Variants in UBE2K observed in about 807,000 individuals in gnomAD.
UBE2K encodes ubiquitin-conjugating enzyme E2 K.
A neutral mutation model predicts 30.0 loss-of-function variants in UBE2K; 6 were observed. The ratio of observed to expected loss-of-function variants is 0.20; its 90% confidence interval spans 0.11 to 0.39. The LOEUF is 0.39. Among genes scored for constraint, UBE2K ranks in the 10% least tolerant of loss-of-function variants. The pLI, the probability that UBE2K is intolerant of heterozygous loss-of-function variation, is 1.00. For synonymous variants in UBE2K, 86 were observed against 83.7 expected (o/e 1.03, Z -0.15); for missense variants, 61 against 241.6 (o/e 0.25, Z 4.96).
intron 6 of UBE2K, among the ~76,000 whole-genome samples, 189 bp from the exon 7 acceptor site, chr4:39,778,171 A>G (rs1401970250): frequency 6.6e-6 from 1 of 151,538 alleles, no homozygotes; most frequent in Non-Finnish European, 1.5e-5. Context: ...TTCTGTTTTC[A>G]AAGTCAGTGA....
At position 39,755,549 on chromosome 4, in the gene UBE2K, G is replaced by C. The variant is rs150242806; in HGVS notation, c.217-108G>C. The C allele has an allele frequency of 1.0e-5, 8 of 792,320 alleles. No individual in the cohort carries two copies. In the East Asian group the frequency reaches 2.1e-4, roughly 21 times the overall value. 49.1% of individuals were successfully genotyped at this position (792,320 alleles called of 1,614,324 possible). On this transcript the variant is annotated intron_variant, in intron 3 of 6. Transcript: ENST00000261427. ...TTCACCTAGGCAAAATGATGTAATA[G>C]ATATAGGGACCTTTCTTTTTTTAGT... is the stretch of plus-strand genomic sequence containing the variant.
chr4:39,748,124 A>G, intron 3 of UBE2K, among the ~76,000 whole-genome samples: 1 of 152,232 alleles, frequency 6.6e-6, no homozygotes, highest in East Asian at 1.9e-4. Context: ...AGTGTATAAT[A>G]GCTTCAAAGT....
chr4:39,761,376 A>T (rs1711934241), intron 4 of UBE2K: 1 of 152,230 alleles, frequency 6.6e-6, no homozygotes, highest in African/African-American at 2.4e-5. Flanking sequence ...ACGTGGTTTA[A>T]TTATTGATGA....
At chr4:39,750,563 A>AT (rs1721204778) in intron 3 of UBE2K, among the ~76,000 whole-genome samples, 1 of 152,138 alleles carries the variant, frequency 6.6e-6, no homozygotes, top group Non-Finnish European at 1.5e-5. Context: ...AGACATTATT[A>AT]TTATATTCTT....
At chr4:39,750,827 C>G (rs1721217398) in intron 3 of UBE2K, among the ~76,000 whole-genome samples, 1 of 151,366 alleles carries the variant, frequency 6.6e-6, no homozygotes, top group South Asian at 2.1e-4. Context: ...CTCACTGCAA[C>G]CTCTGCCTCC....
chr4:39,702,071 G>A (rs960904147), intron 1 of UBE2K, among the ~76,000 whole-genome samples: 10 of 151,764 alleles, frequency 6.6e-5, no homozygotes, highest in Admixed American at 6.6e-4. Flanking sequence ...AGATTTACTT[G>A]AATTTCAATA....
At chr4:39,724,225 A>C (rs1719601526) in intron 1 of UBE2K, among the ~76,000 whole-genome samples, 1 of 151,472 alleles carries the variant, frequency 6.6e-6, no homozygotes, top group South Asian at 2.1e-4. Context: ...CTCCAACCTC[A>C]GCCTCCCAAG....
chr4:39,737,109 T>A (rs1408468955), intron 1 of UBE2K, among the ~76,000 whole-genome samples: 2 of 152,236 alleles, frequency 1.3e-5, no homozygotes, highest in African/African-American at 4.8e-5. Context: ...GGGCCTGATA[T>A]ACATGGAATT....
intron 3 of UBE2K, among the ~76,000 whole-genome samples, chr4:39,755,095 T>C (rs959219908): frequency 3.3e-5 from 5 of 152,214 alleles, no homozygotes; most frequent in Non-Finnish European, 5.9e-5. Flanking sequence ...AGCTATTTAA[T>C]TAGATTTCTT....
intron 1 of UBE2K, among the ~76,000 whole-genome samples, chr4:39,730,636 T>C (rs1720017663): frequency 2.0e-5 from 3 of 151,792 alleles, no homozygotes; most frequent in Admixed American, 2.0e-4. Flanking sequence ...GGCATGGTGG[T>C]GGGCGCCTAT....
At chr4:39,757,121 G>A (rs1711544252) in intron 4 of UBE2K, among the ~76,000 whole-genome samples, 1 of 150,656 alleles carries the variant, frequency 6.6e-6, no homozygotes, top group South Asian at 2.1e-4. Context: ...TGCCTACCGG[G>A]TTCAAGCGAT....
chr4:39,771,592 C>G (rs543220708), intron 4 of UBE2K, among the ~76,000 whole-genome samples: 1 of 152,142 alleles, frequency 6.6e-6, no homozygotes, highest in Non-Finnish European at 1.5e-5. Flanking sequence ...AGGGCGCGCT[C>G]GCGCTGGCGG....
intron 1 of UBE2K, among the ~76,000 whole-genome samples, chr4:39,733,061 A>AC (rs1720165197): frequency 6.6e-6 from 1 of 150,806 alleles, no homozygotes; most frequent in Non-Finnish European, 1.5e-5. Flanking sequence ...GAAAAAAAAA[A>AC]AAAAAAAAAA....
At chr4:39,715,104 C>T (rs1718975200) in intron 1 of UBE2K, among the ~76,000 whole-genome samples, 1 of 150,728 alleles carries the variant, frequency 6.6e-6, no homozygotes, top group African/African-American at 2.4e-5. Flanking sequence ...CGGCTCACTG[C>T]AAGCTCTGCC....
At chr4:39,772,848 C>T (rs1712993836) in intron 4 of UBE2K, among the ~76,000 whole-genome samples, 1 of 151,676 alleles carries the variant, frequency 6.6e-6, no homozygotes, top group African/African-American at 2.4e-5. Flanking sequence ...CCACCACGCC[C>T]AGCTAATTTT....
intron 1 of UBE2K, among the ~76,000 whole-genome samples, chr4:39,730,342 T>A (rs7678527): frequency 5.7e-4 from 87 of 151,688 alleles, no homozygotes; most frequent in African/African-American, 1.8e-3. Flanking sequence ...ACGTTTTTTG[T>A]TTTTTTTGTT....
At chr4:39,744,818 A>T (rs1316517158) in intron 2 of UBE2K, among the ~76,000 whole-genome samples, 1 of 151,440 alleles carries the variant, frequency 6.6e-6, no homozygotes, top group Non-Finnish European at 1.5e-5. Flanking sequence ...GAGGCAGGAG[A>T]ATGGCGTGAA....
At chr4:39,767,968 ATT>A (rs1427107662) in intron 4 of UBE2K, among the ~76,000 whole-genome samples, 4 of 152,038 alleles carry the variant, frequency 2.6e-5, no homozygotes, top group Admixed American at 6.6e-5. Context: ...AGTGTTGTAT[ATT>A]TCATTGGTTA....
At chr4:39,772,266 T>C (rs1712938174) in intron 4 of UBE2K, among the ~76,000 whole-genome samples, 1 of 152,024 alleles carries the variant, frequency 6.6e-6, no homozygotes, top group Non-Finnish European at 1.5e-5. Flanking sequence ...AAAAGGCTGG[T>C]TTAGAGTAAT....
Sources: gnomAD v4.1 joint callset for allele counts (sites outside exome capture counted in the v4.1 genomes callset) on GRCh38, gnomAD v4.1.1 for gene constraint, MANE v1.5 for transcripts, NCBI Gene and HGNC (gene_info 2026-07-23, HGNC 2026-07-21) for gene names.